PDE1C: variants seen among roughly 807,000 people sequenced by gnomAD.
PDE1C encodes phosphodiesterase 1C, also known as dual specificity calcium/calmodulin-dependent 3',5'-cyclic nucleotide phosphodiesterase 1C.
Under a neutral mutation model 93.1 loss-of-function variants are expected in PDE1C, and 62 were observed. That is an observed-to-expected ratio of 0.67 (90% CI 0.54 to 0.82). The LOEUF (loss-of-function observed/expected upper bound fraction) is 0.82. PDE1C is among the 40% of genes least tolerant of loss of function. The probability of loss-of-function intolerance (pLI) is 0.00; values close to 1 mark genes in which losing one functional copy is unlikely to be tolerated. For synonymous variants in PDE1C, 325 were observed against 310.1 expected, an observed-to-expected ratio of 1.05 and a Z score of -0.50; for missense variants, 742 against 884.6, an observed-to-expected ratio of 0.84 and a Z score of 2.04.
chr7:32,141,478 G>A (rs1800522421), intron 3 of PDE1C, among the ~76,000 whole-genome samples: 1 of 152,236 alleles, frequency 6.6e-6, no homozygotes, highest in South Asian at 2.1e-4. Flanking sequence ...ATGCCTGGTA[G>A]GTTGTGATGA....
At chr7:31,884,485 G>A (rs1174831335) in intron 2 of PDE1C, among the ~76,000 whole-genome samples, 2 of 152,128 alleles carry the variant, frequency 1.3e-5, no homozygotes, top group Non-Finnish European at 2.9e-5. Flanking sequence ...GAGTTAAGTG[G>A]TGACCAGCTT....
intron 1 of PDE1C, among the ~76,000 whole-genome samples, chr7:32,276,006 A>T (rs1487555240): frequency 1.3e-5 from 2 of 152,154 alleles, no homozygotes; most frequent in African/African-American, 4.8e-5. Context: ...GATAGATAAA[A>T]CTCAATATCC....
intron 6 of PDE1C, among the ~76,000 whole-genome samples, chr7:31,866,209 A>G (rs1016823864): frequency 1.3e-4 from 19 of 151,396 alleles, no homozygotes; most frequent in African/African-American, 4.6e-4. Context: ...TACATTTGTG[A>G]AAAAAAAATA....
intron 2 of PDE1C, among the ~76,000 whole-genome samples, chr7:32,039,534 C>T (rs1329033070): frequency 1.3e-5 from 2 of 152,178 alleles, no homozygotes; most frequent in Admixed American, 1.3e-4. Context: ...TGCAGGACAA[C>T]GGGGACGACC....
chr7:31,827,341 T>A (rs1789814558), intron 12 of PDE1C, among the ~76,000 whole-genome samples: 1 of 152,184 alleles, frequency 6.6e-6, no homozygotes. Flanking sequence ...TTCTTGGGAC[T>A]CAATTCAAAT....
At chr7:32,408,587 G>A (rs983772830) in intron 1 of PDE1C, among the ~76,000 whole-genome samples, 9 of 152,132 alleles carry the variant, frequency 5.9e-5, no homozygotes, top group Admixed American at 3.3e-4. Flanking sequence ...TCAGTAGTTC[G>A]AGACCAGCCT....
intron 2 of PDE1C, among the ~76,000 whole-genome samples, chr7:32,032,126 A>T (rs1190255753): frequency 6.6e-6 from 1 of 152,178 alleles, no homozygotes; most frequent in Admixed American, 6.5e-5. Flanking sequence ...TCATAAGTTG[A>T]TCATGGTGGC....
intron 11 of PDE1C, among the ~76,000 whole-genome samples, chr7:31,828,600 G>A (rs1789986163): frequency 6.6e-6 from 1 of 152,212 alleles, no homozygotes; most frequent in Non-Finnish European, 1.5e-5. Flanking sequence ...TCATGTTGCT[G>A]TAAAGAAAGC....
chr7:31,647,673 CAAA>C, the PDE1C span, among the ~76,000 whole-genome samples: 18 of 69,360 alleles, frequency 2.6e-4, no homozygotes, highest in African/African-American at 9.2e-4. Context: ...GTCTCCGTCT[CAAA>C]AAAAAAAAAA....
chr7:32,317,896 T>C (rs752566663), intron 1 of PDE1C, among the ~76,000 whole-genome samples: 1 of 152,212 alleles, frequency 6.6e-6, no homozygotes, highest in African/African-American at 2.4e-5. Context: ...CTTGTCACCA[T>C]GTTTTTGCCC....
At position 31,992,863 on chromosome 7, in the gene PDE1C, G is replaced by A. The variant is rs150507554; in HGVS notation, c.128+58691C>T. Among the ~76,000 whole-genome samples the A allele has an allele frequency of 3.9e-5, 6 of 152,274 alleles. No individual in the cohort carries two copies. The East Asian group carries it at 1.2e-3, about 29-fold the overall frequency. On this transcript the variant is annotated intron_variant, in intron 2 of 17. Coordinates refer to ENST00000396191, the MANE Select transcript of PDE1C (RefSeq NM_001191057.4). ...GCACTTGTCAGGATCTTGGGTGGAA[G>A]ACACTGCATAAATATCAATATAGTT...
At chr7:32,328,649 A>C (rs1783451135) in intron 1 of PDE1C, among the ~76,000 whole-genome samples, 23 of 139,450 alleles carry the variant, frequency 1.6e-4, no homozygotes, top group East Asian at 6.3e-4. Flanking sequence ...CCCCATCCCC[A>C]CTCCACCCCT....
intron 3 of PDE1C, among the ~76,000 whole-genome samples, chr7:32,077,129 A>C (rs1796403021): frequency 1.3e-5 from 2 of 152,100 alleles, no homozygotes; most frequent in African/African-American, 4.8e-5. Context: ...AGTCCCAGCT[A>C]CTCAGGAAGC....
Position 31,853,082 on chromosome 7 carries a change from C to G in PDE1C, c.751-2341G>C, listed in dbSNP as rs139663464. The stretch of plus-strand genomic sequence containing the variant: ...CAGGCAGCAGAAAGCATCTAAATAA[C>G]AGTATAATTACAGTTCTCACATTAC... On this transcript the variant is annotated intron_variant, in intron 7 of 17. Coordinates refer to ENST00000396191, the MANE Select transcript of PDE1C (RefSeq NM_001191057.4). Among the ~76,000 whole-genome samples, 823 of 152,146 alleles carry G rather than the reference C, an allele frequency of 5.4e-3. 11 individuals are homozygous for G. Among genetic ancestry groups the G allele is most frequent in the African/African-American group, 0.019 (781 of 41,456 alleles).
At chr7:31,894,893 T>G (rs577707506) in intron 2 of PDE1C, among the ~76,000 whole-genome samples, 2 of 152,102 alleles carry the variant, frequency 1.3e-5, no homozygotes, top group Non-Finnish European at 1.5e-5. Context: ...ACATCAGAGT[T>G]CTGGGGCAAA....
intron 2 of PDE1C, among the ~76,000 whole-genome samples, chr7:31,938,117 A>C (rs1479476935): frequency 6.6e-6 from 1 of 152,128 alleles, no homozygotes; most frequent in Non-Finnish European, 1.5e-5. Flanking sequence ...ATAATTACTC[A>C]CATGTACATT....
the PDE1C span, among the ~76,000 whole-genome samples, chr7:31,617,156 G>T: frequency 6.6e-6 from 1 of 152,052 alleles, no homozygotes; most frequent in Non-Finnish European, 1.5e-5. Context: ...TGAAGCATTT[G>T]CCATCTTTCA....
At chr7:32,031,106 T>C (rs1790244385) in intron 2 of PDE1C, among the ~76,000 whole-genome samples, 1 of 152,184 alleles carries the variant, frequency 6.6e-6, no homozygotes, top group South Asian at 2.1e-4. Flanking sequence ...GTTTTGTCCT[T>C]CATTTGCACA....
At chr7:32,248,133 T>G (rs935938290) in intron 1 of PDE1C, among the ~76,000 whole-genome samples, 2 of 152,180 alleles carry the variant, frequency 1.3e-5, no homozygotes, top group Non-Finnish European at 2.9e-5. Context: ...TAAAGATAAT[T>G]ATTTAATATT....
Sources: gnomAD v4.1 joint callset for allele counts (sites outside exome capture counted in the v4.1 genomes callset) on GRCh38, gnomAD v4.1.1 for gene constraint, MANE v1.5 for transcripts, NCBI Gene and HGNC (gene_info 2026-07-23, HGNC 2026-07-21) for gene names.